Variants in TSBP1 observed in about 807,000 individuals in gnomAD.
The protein encoded by TSBP1 is testis expressed basic protein 1.
In TSBP1, 56 loss-of-function variants were observed where a neutral mutation model predicts 68.8. The observed-to-expected ratio is 0.81, with a 90% CI of 0.66 to 1.02. TSBP1 has a LOEUF of 1.02. TSBP1 is among the 50% of genes least tolerant of loss of function. The probability of loss-of-function intolerance (pLI) is 0.00; values close to 1 mark genes in which losing one functional copy is unlikely to be tolerated. For synonymous variants in TSBP1, 171 were observed against 208.7 expected (o/e 0.82, Z 1.56); for missense variants, 502 against 641.2 (o/e 0.78, Z 2.34).
At chr6:32,344,045 G>A (rs940218673) in intron 9 of TSBP1, among the ~76,000 whole-genome samples, 2 of 151,788 alleles carry the variant, frequency 1.3e-5, no homozygotes, top group African/African-American at 4.9e-5. Flanking sequence ...ACTATGCAAA[G>A]TTTGATAATT....
intron 3 of TSBP1, among the ~76,000 whole-genome samples, chr6:32,368,566 G>A (rs1774024006): frequency 6.6e-6 from 1 of 152,138 alleles, no homozygotes; most frequent in Non-Finnish European, 1.5e-5. Flanking sequence ...GGCCTACCCA[G>A]TATTAATTAA....
At chr6:32,324,652 T>A in intron 16 of TSBP1, 1 of 1,550,822 alleles carries the variant, frequency 6.4e-7, no homozygotes. Flanking sequence ...ACACATAGAC[T>A]TACTGATTGT....
At chr6:32,345,438 G>A (rs1313198217) in intron 9 of TSBP1, among the ~76,000 whole-genome samples, 1 of 151,610 alleles carries the variant, frequency 6.6e-6, no homozygotes, top group Non-Finnish European at 1.5e-5. Context: ...CCTTGATTAG[G>A]TCTCATTAAG....
chr6:32,308,196 T>G (rs1765961235), intron 19 of TSBP1, among the ~76,000 whole-genome samples: 1 of 152,102 alleles, frequency 6.6e-6, no homozygotes, highest in South Asian at 2.1e-4. Context: ...AATAGAAAAA[T>G]TAAAAAAATT....
intron 15 of TSBP1, 59 bp downstream of exon 16, chr6:32,331,975 T>G (rs1769074224): frequency 8.2e-7 from 1 of 1,215,286 alleles, no homozygotes; most frequent in African/African-American, 1.5e-5. Context: ...TTGGAGCCAG[T>G]CTCCTTCAGA....
chr6:32,320,165 T>C (rs1478903935), intron 18 of TSBP1: 1 of 456,336 alleles, frequency 2.2e-6, no homozygotes, highest in Non-Finnish European at 4.4e-6. Context: ...ATAAATACCC[T>C]GGGTTGTGGC....
At chr6:32,355,788 G>A in intron 6 of TSBP1, 119 bp from the exon 7 acceptor site, 3 of 1,274,504 alleles carry the variant, frequency 2.4e-6, no homozygotes, top group Admixed American at 3.0e-5. Flanking sequence ...GCAAGAAACT[G>A]GAGACAAAAT....
chr6:32,304,142 G>A lies in TSBP1; in HGVS notation c.581-1513C>T, dbSNP rs1338216539. 6.6e-6 allele frequency among the ~76,000 whole-genome samples: 1 copy of A among 151,694 alleles called. No homozygotes were observed. The highest frequency in any genetic ancestry group is 1.5e-5 in the Non-Finnish European group (1 of 67,916). On this transcript the variant is annotated intron_variant, in intron 19 of 22. Coordinates refer to ENST00000612031, the Ensembl canonical transcript of TSBP1. This position sits in a 1 kb window ranked among gnomAD's most constrained non-coding sequence, Gnocchi z 4.8. ...TGACTTATTTAAAAGACAAAGACAG[G>A]AAGAAGAAAGAAAGAAAGGAAGGAA...
chr6:32,329,064 G>A (rs1768610799), intron 16 of TSBP1, among the ~76,000 whole-genome samples: 1 of 152,052 alleles, frequency 6.6e-6, no homozygotes, highest in South Asian at 2.1e-4. Context: ...TAGGGCTGTT[G>A]CGAGCCACTA....
chr6:32,355,413 TTC>T (rs1772189219), intron 7 of TSBP1, among the ~76,000 whole-genome samples: 1 of 148,750 alleles, frequency 6.7e-6, no homozygotes, highest in Admixed American at 6.8e-5. Context: ...CTCTATTTTC[TTC>T]TCTCTCTCCC....
chr6:32,351,302 A>G (rs1247744492), intron 8 of TSBP1, among the ~76,000 whole-genome samples: 2 of 152,146 alleles, frequency 1.3e-5, no homozygotes, highest in African/African-American at 4.8e-5. Context: ...AGGTGGACTA[A>G]CATGATGAAC....
intron 9 of TSBP1, 175 bp downstream of exon 9, chr6:32,349,565 T>TAA: frequency 1.7e-6 from 1 of 574,616 alleles, no homozygotes; most frequent in East Asian, 2.9e-5. Flanking sequence ...AAACTTGCAT[T>TAA]TACTTTTGAC....
intron 1 of TSBP1, among the ~76,000 whole-genome samples, chr6:32,370,530 G>T (rs114613604): frequency 0.02 from 3,083 of 150,944 alleles, 48 homozygotes; most frequent in Middle Eastern, 0.048. Flanking sequence ...AAAACTTTCA[G>T]CACCTTGACT....
At chr6:32,317,826 G>A (rs140471409) in intron 18 of TSBP1, among the ~76,000 whole-genome samples, 1 of 152,246 alleles carries the variant, frequency 6.6e-6, no homozygotes, top group Non-Finnish European at 1.5e-5. Flanking sequence ...GGAGGCTGTG[G>A]AGAAAAAGGA....
rs560599805 is a variant in TSBP1 at position 32,339,644 on chromosome 6, A to T, written c.350-6T>A. ...TTGTAAACATTTTATACTACCTATAATAAAAATTGAAAAGTGTAACATTAT... is the reference window on the plus strand; with the variant it reads ...TTGTAAACATTTTATACTACCTATATTAAAAATTGAAAAGTGTAACATTAT... On this transcript the variant is annotated splice_polypyrimidine_tract_variant and splice_region_variant and intron_variant, in intron 9 of 22. Coordinates refer to ENST00000612031, the Ensembl canonical transcript of TSBP1. 1.5e-5 allele frequency: 17 copies of T among 1,159,682 alleles called. No individual in the cohort carries two copies. Among genetic ancestry groups the T allele is most frequent in the Admixed American group, 3.9e-5 (2 of 51,848 alleles). 71.8% of individuals were successfully genotyped at this position (1,159,682 alleles called of 1,614,324 possible).
chr6:32,370,022 AC>A, intron 1 of TSBP1, 39 bp from the exon 2 acceptor site: 3 of 1,343,300 alleles, frequency 2.2e-6, no homozygotes, highest in African/African-American at 1.4e-5. Context: ...GCTTATTTAG[AC>A]CAGGAAATTA....
Position 32,315,686 on chromosome 6 carries a change from A to G in TSBP1, c.580+86T>C. ...GTAGAAGCAAATGAATATGAGAAAT[A>G]TGAGTCTCAATCTTTTGGATACTTA... On this transcript the variant is annotated intron_variant, in intron 19 of 22. Coordinates refer to ENST00000612031, the Ensembl canonical transcript of TSBP1. This position sits in a 1 kb window ranked among gnomAD's most constrained non-coding sequence, Gnocchi z 5.4. 2.4e-6 allele frequency: 2 copies of G among 843,646 alleles called. No homozygotes were observed. The highest frequency in any genetic ancestry group is 5.6e-5 in the Admixed American group (2 of 35,900). The allele number at this position is 843,646 out of a possible 1,614,324, so 52.3% of individuals were successfully genotyped here.
chr6:32,348,622 G>A (rs1275762062), intron 9 of TSBP1, among the ~76,000 whole-genome samples: 1 of 151,956 alleles, frequency 6.6e-6, no homozygotes, highest in Non-Finnish European at 1.5e-5. Context: ...CACATTTAAT[G>A]ATGTCCTGGG....
chr6:32,366,762 CAA>C (rs9257084), intron 4 of TSBP1, among the ~76,000 whole-genome samples: 7,219 of 76,676 alleles, frequency 0.094, 154 homozygotes, highest in East Asian at 0.13. Flanking sequence ...GACTCCGTCT[CAA>C]AAAAAAAAAA....
Sources: allele counts gnomAD v4.1 joint callset (sites outside exome capture counted in the v4.1 genomes callset), GRCh38; gene constraint gnomAD v4.1.1; non-coding constraint Gnocchi (gnomAD v3.1); transcripts MANE v1.5; gene names NCBI Gene and HGNC (gene_info 2026-07-23, HGNC 2026-07-21).